TP63: variants seen among roughly 807,000 people sequenced by gnomAD.
TP63 encodes tumor protein 63.
Under a neutral mutation model 82.8 loss-of-function variants are expected in TP63, and 17 were observed. The ratio of observed to expected loss-of-function variants is 0.21; its 90% CI spans 0.14 to 0.31. The LOEUF (loss-of-function observed/expected upper bound fraction) is 0.31, where lower values mean the gene tolerates loss of function less well. Among genes scored for constraint, TP63 ranks in the 10% least tolerant of loss-of-function variants. The pLI is 1.00. For synonymous variants in TP63, 330 were observed against 321.7 expected (o/e 1.03, Z -0.28); for missense variants, 648 against 895.3 (o/e 0.72, Z 3.52).
intron 3 of TP63, among the ~76,000 whole-genome samples, chr3:189,758,813 T>C (rs1722367974): frequency 6.6e-6 from 1 of 152,210 alleles, no homozygotes; most frequent in Non-Finnish European, 1.5e-5. Context: ...CTGTGAAATA[T>C]GACTTGACCA....
At chr3:189,868,852 T>A in intron 8 of TP63, 136 bp downstream of exon 8, 1 of 1,356,334 alleles carries the variant, frequency 7.4e-7, no homozygotes, top group Non-Finnish European at 1.1e-6. Context: ...TCAGAGCCAG[T>A]GAGAATAGGT....
At chr3:189,779,804 A>G (rs1176949313) in intron 3 of TP63, among the ~76,000 whole-genome samples, 1 of 152,140 alleles carries the variant, frequency 6.6e-6, no homozygotes, top group Non-Finnish European at 1.5e-5. Context: ...CCAACTTCAC[A>G]GACTTATTAT....
chr3:189,639,596 A>C (rs1252235784), intron 1 of TP63, among the ~76,000 whole-genome samples: 1 of 152,136 alleles, frequency 6.6e-6, no homozygotes, highest in African/African-American at 2.4e-5. Flanking sequence ...GAGTAAACCT[A>C]ATCTGTTAGG....
At chr3:189,775,305 G>A (rs1443235368) in intron 3 of TP63, among the ~76,000 whole-genome samples, 1 of 151,182 alleles carries the variant, frequency 6.6e-6, no homozygotes, top group Admixed American at 6.6e-5. Flanking sequence ...TGCTGTTACT[G>A]AGTCCACTGT....
At chr3:189,846,213 C>G (rs991556976) in intron 4 of TP63, among the ~76,000 whole-genome samples, 1 of 152,000 alleles carries the variant, frequency 6.6e-6, no homozygotes, top group Non-Finnish European at 1.5e-5. Context: ...TTTATTTGAA[C>G]ATGATATTTG....
intron 4 of TP63, among the ~76,000 whole-genome samples, chr3:189,854,407 A>T (rs1041370618): frequency 2.0e-5 from 3 of 152,000 alleles, no homozygotes; most frequent in African/African-American, 7.2e-5. Context: ...ATTTTTTTGT[A>T]TTTTTAGTAG....
intron 3 of TP63, among the ~76,000 whole-genome samples, chr3:189,783,213 T>C (rs1724361186): frequency 6.6e-6 from 1 of 151,958 alleles, no homozygotes; most frequent in Admixed American, 6.6e-5. Context: ...ACTGAGAACG[T>C]ACTCATTTTA....
At chr3:189,636,350 A>G (rs1331926307) in intron 1 of TP63, among the ~76,000 whole-genome samples, 3 of 152,118 alleles carry the variant, frequency 2.0e-5, no homozygotes, top group African/African-American at 7.2e-5. Context: ...GAAATCACTT[A>G]AGCTATCTAA....
chr3:189,632,353 GTGAGGTTAC>G (rs980204331), intron 1 of TP63, among the ~76,000 whole-genome samples: 1 of 152,072 alleles, frequency 6.6e-6, no homozygotes, highest in Non-Finnish European at 1.5e-5. Context: ...GTTGAAAATG[GTGAGGTTAC>G]AAAGGGTTAA....
chr3:189,843,813 GC>G (rs1714488926), intron 4 of TP63, among the ~76,000 whole-genome samples: 1 of 152,176 alleles, frequency 6.6e-6, no homozygotes, highest in South Asian at 2.1e-4. Flanking sequence ...AAGTCAGTGG[GC>G]AGGTAGAGGA....
At chr3:189,880,217 C>T (rs1314510737) in intron 10 of TP63, 1 of 1,603,432 alleles carries the variant, frequency 6.2e-7, no homozygotes, top group African/African-American at 1.3e-5. Context: ...TGTTGTATTT[C>T]CATGTGTATA....
chr3:189,681,714 C>T (rs1030545726), intron 1 of TP63, among the ~76,000 whole-genome samples: 3 of 152,078 alleles, frequency 2.0e-5, no homozygotes, highest in African/African-American at 7.2e-5. Flanking sequence ...CTCTCGCTGA[C>T]TGCCTCTAAA....
the TP63 span, among the ~76,000 whole-genome samples, chr3:189,601,291 G>A: frequency 6.6e-6 from 1 of 152,082 alleles, no homozygotes; most frequent in Non-Finnish European, 1.5e-5. Flanking sequence ...TGAAAAATGA[G>A]CACATGTGCT....
rs767247244 is a variant in TP63 at position 189,869,220 on chromosome 3, T to C, written c.1130-104T>C. On this transcript the variant is annotated intron_variant, in intron 8 of 13. Coordinates refer to ENST00000264731, the MANE Select transcript of TP63 (RefSeq NM_003722.5). ...GGTACTACTGTCTTTTTAATATGTATATTAAATCTGATTAACATTAATATT... is the reference window on the plus strand; with the variant it reads ...GGTACTACTGTCTTTTTAATATGTACATTAAATCTGATTAACATTAATATT... 471 of 914,862 alleles carry C rather than the reference T, an allele frequency of 5.1e-4. 1 individual carries two copies. The highest frequency in any genetic ancestry group is 7.1e-4 in the Non-Finnish European group (410 of 580,540). 56.7% of individuals were successfully genotyped at this position (914,862 alleles called of 1,614,324 possible). A position where few individuals can be genotyped will look rare whatever the true frequency, so the allele number is the denominator to read the frequency against.
rs375063399 is a variant in TP63, at chr3:189,657,985, C to G, written c.62+26408C>G. Among the ~76,000 whole-genome samples the G allele has an allele frequency of 5.3e-5, 8 of 152,104 alleles. No homozygotes were observed. The East Asian group carries it at 1.5e-3, about 29-fold the overall frequency. On this transcript the variant is annotated intron_variant, in intron 1 of 13. Transcript: ENST00000264731. ...CTAATACTAGCTTCTTATATCTGTTCCTACTACCAGAGCTTCTTGGAAAAG... is the reference window on the plus strand; with the variant it reads ...CTAATACTAGCTTCTTATATCTGTTGCTACTACCAGAGCTTCTTGGAAAAG...
At chr3:189,685,659 A>T (rs570772326) in intron 1 of TP63, among the ~76,000 whole-genome samples, 4 of 152,336 alleles carry the variant, frequency 2.6e-5, no homozygotes, top group African/African-American at 9.6e-5. Context: ...GAAGAATAGG[A>T]AAAAGAAAAG....
intron 1 of TP63, among the ~76,000 whole-genome samples, chr3:189,683,933 T>C (rs1193853189): frequency 1.3e-5 from 2 of 152,126 alleles, no homozygotes; most frequent in African/African-American, 4.8e-5. Context: ...GAAAAATAGA[T>C]TCAGTAAGGT....
At chr3:189,770,863 G>C (rs1576916743) in intron 3 of TP63, among the ~76,000 whole-genome samples, 1 of 152,092 alleles carries the variant, frequency 6.6e-6, no homozygotes, top group Admixed American at 6.6e-5. Flanking sequence ...TTTGGATGAA[G>C]TAAAGCTAAT....
chr3:189,843,221 G>A (rs1714383028), intron 4 of TP63, among the ~76,000 whole-genome samples: 2 of 152,186 alleles, frequency 1.3e-5, no homozygotes, highest in South Asian at 2.1e-4. Flanking sequence ...ATTACTCCCT[G>A]CAGAGGTTTT....
Sources: allele counts gnomAD v4.1 joint callset (sites outside exome capture counted in the v4.1 genomes callset), GRCh38; gene constraint gnomAD v4.1.1; transcripts MANE v1.5; gene names NCBI Gene and HGNC (gene_info 2026-07-23, HGNC 2026-07-21).